RBM19: variants seen among roughly 807,000 people sequenced by gnomAD.
The protein encoded by RBM19 is RNA binding motif protein 19, also known as probable RNA-binding protein 19.
RBM19 carries 94 observed loss-of-function variants against 116.8 expected under a neutral mutation model. The ratio of observed to expected loss-of-function variants is 0.80; its 90% CI spans 0.68 to 0.95. The LOEUF (loss-of-function observed/expected upper bound fraction) is 0.95. Among genes scored for constraint, RBM19 ranks in the 40% least tolerant of loss-of-function variants. The pLI, the probability that RBM19 is intolerant of heterozygous loss-of-function variation, is 0.00. For missense variants in RBM19, 1,161 were observed against 1,220.7 expected, an observed-to-expected ratio of 0.95 and a Z score of 0.73; for synonymous variants, 475 against 494.1, an observed-to-expected ratio of 0.96 and a Z score of 0.51.
chr12:113,930,148 C>A, intron 16 of RBM19, among the ~76,000 whole-genome samples: 1 of 152,258 alleles, frequency 6.6e-6, no homozygotes. Context: ...AGTACACCAG[C>A]TCATTGAAAC....
intron 23 of RBM19, among the ~76,000 whole-genome samples, chr12:113,838,357 AGAGCATGCAAACTCCACAGGAT>A (rs1407521296): frequency 6.6e-6 from 1 of 152,204 alleles, no homozygotes; most frequent in African/African-American, 2.4e-5. Context: ...CTCCATGGGG[AGAGCATGCAAACTCCACAGGAT>A]GAGCATGCAA....
intron 21 of RBM19, among the ~76,000 whole-genome samples, chr12:113,859,273 G>T (rs1385808127): frequency 6.6e-6 from 1 of 152,238 alleles, no homozygotes; most frequent in South Asian, 2.1e-4. Context: ...AGGGCAAGGG[G>T]CTGCCCATGT....
chr12:113,847,720 A>C (rs1877115408), intron 22 of RBM19, among the ~76,000 whole-genome samples: 1 of 152,152 alleles, frequency 6.6e-6, no homozygotes, highest in South Asian at 2.1e-4. Flanking sequence ...GAGAGGCCCC[A>C]ACCCCAGCCT....
At chr12:113,965,075 A>G (rs189873798) in intron 1 of RBM19, among the ~76,000 whole-genome samples, 1 of 152,212 alleles carries the variant, frequency 6.6e-6, no homozygotes, top group Admixed American at 6.5e-5. Flanking sequence ...GTTCGAGACC[A>G]ACTTGTCCAA....
chr12:113,916,519 C>T (rs911153952), intron 20 of RBM19, among the ~76,000 whole-genome samples: 1 of 152,180 alleles, frequency 6.6e-6, no homozygotes, highest in African/African-American at 2.4e-5. Flanking sequence ...CTGGGTAATC[C>T]CTTCCCATGC....
At chr12:113,950,230 T>C (rs1414097131) in intron 8 of RBM19, 76 bp from the exon 9 acceptor site, 5 of 1,228,228 alleles carry the variant, frequency 4.1e-6, no homozygotes, top group Admixed American at 3.5e-5. Context: ...GGAACACCCA[T>C]ACTGTGCTAG....
intron 19 of RBM19, among the ~76,000 whole-genome samples, chr12:113,919,539 C>G (rs999208681): frequency 2.0e-5 from 3 of 152,190 alleles, no homozygotes; most frequent in Admixed American, 6.5e-5. Context: ...CCACTGCACT[C>G]CAGCCTGGGC....
intron 23 of RBM19, among the ~76,000 whole-genome samples, chr12:113,833,419 G>A (rs1875608576): frequency 6.6e-6 from 1 of 152,204 alleles, no homozygotes; most frequent in Non-Finnish European, 1.5e-5. Flanking sequence ...AGTGTGAATT[G>A]GGTCTTGAGA....
In RBM19 at chr12:113,918,405, C is replaced by G; in HGVS notation, c.2428G>C (p.Glu810Gln). 3 of 1,614,192 alleles carry G rather than the reference C, an allele frequency of 1.9e-6. No homozygotes were observed. Among genetic ancestry groups the G allele is most frequent in the Non-Finnish European group, 2.5e-6 (3 of 1,180,034 alleles). Residue 810 changes from glutamate (E) to glutamine (Q), a missense_variant, in exon 20 of 24, where the codon GAA becomes CAA. Glu to Gln is a conservative substitution (Grantham distance 29, BLOSUM62 2). Transcript: ENST00000261741. ...CTGAAGACTCACTTAGTGGCTCGTT[C>G]CGAGATCCTCACTTCCAGCTTGTGG... is the stretch of plus-strand genomic sequence containing the variant. ...DGHKLEVRISERATKPAVTLA... is the reference protein window; with the variant it reads ...DGHKLEVRISQRATKPAVTLA...
At chr12:113,913,916 T>A (rs1882609277) in intron 21 of RBM19, among the ~76,000 whole-genome samples, 2 of 152,228 alleles carry the variant, frequency 1.3e-5, no homozygotes, top group South Asian at 4.1e-4. Context: ...GCCTTTGCAT[T>A]CTGAGAGCTA....
chr12:113,890,676 C>G (rs1342245915), intron 21 of RBM19, among the ~76,000 whole-genome samples: 2 of 152,240 alleles, frequency 1.3e-5, no homozygotes, highest in African/African-American at 2.4e-5. Flanking sequence ...TGGCTTCTCC[C>G]CATTCCATGT....
Position 113,955,147 on chromosome 12 carries a change from G to A in RBM19, c.905C>T (p.Pro302Leu), listed in dbSNP as rs377648094. ...AGCACATACCTCTGTGACATTGAAC[G>A]GGGCTCCCCGCAGCTTCACGGTGTG... ...TCHTVKLRGAPFNVTEKNVME... is the reference protein window; with the variant it reads ...TCHTVKLRGALFNVTEKNVME... Residue 302 changes from proline to leucine, a missense_variant, in exon 7 of 24, where the codon CCG becomes CTG. Physicochemically the swap from Pro to Leu is moderately conservative, Grantham distance 98. Transcript: ENST00000261741. The A allele has an allele frequency of 1.5e-5, 25 of 1,613,900 alleles. No homozygotes were observed. The highest frequency in any genetic ancestry group is 5.3e-5 in the African/African-American group (4 of 74,900).
At chr12:113,868,363 C>T (rs1593507687) in intron 21 of RBM19, among the ~76,000 whole-genome samples, 1 of 151,406 alleles carries the variant, frequency 6.6e-6, no homozygotes, top group African/African-American at 2.4e-5. Flanking sequence ...TGAATAGAGT[C>T]CTCGGGCAGA....
intron 21 of RBM19, among the ~76,000 whole-genome samples, chr12:113,904,998 C>T (rs908716082): frequency 6.6e-5 from 10 of 152,206 alleles, no homozygotes; most frequent in East Asian, 3.9e-4. Context: ...CCGTGGCTGA[C>T]GCCTGGTCCA....
rs1482343093 is a variant in RBM19 at position 113,966,127 on chromosome 12, C to T, written c.36+65G>A. The T allele has an allele frequency of 6.2e-6, 10 of 1,607,694 alleles. No homozygotes were observed. The East Asian group carries it at 2.0e-4, about 32-fold the overall frequency. ...ATTCTTCGATCACCTCCAGGCATCTCTTCCCTACCTCACAGCTCCCGGCTG... is the reference window on the plus strand; with the variant it reads ...ATTCTTCGATCACCTCCAGGCATCTTTTCCCTACCTCACAGCTCCCGGCTG... On this transcript the variant is annotated intron_variant, in intron 1 of 23. Transcript: ENST00000261741.
chr12:113,952,130 A>G (rs772436844), intron 8 of RBM19, among the ~76,000 whole-genome samples: 19 of 152,080 alleles, frequency 1.2e-4, no homozygotes, highest in Non-Finnish European at 2.6e-4. Context: ...GGAGGGTGGC[A>G]CGGGGCAACA....
At chr12:113,932,999 G>A (rs1869741201) in intron 16 of RBM19, among the ~76,000 whole-genome samples, 1 of 152,064 alleles carries the variant, frequency 6.6e-6, no homozygotes, top group Admixed American at 6.5e-5. Context: ...CCCTTTCCCG[G>A]CTCTCGGCGC....
At chr12:113,838,103 T>C (rs1876121745) in intron 23 of RBM19, among the ~76,000 whole-genome samples, 1 of 152,200 alleles carries the variant, frequency 6.6e-6, no homozygotes. Context: ...AGTTCAGGGC[T>C]GCAGGGGGCC....
intron 1 of RBM19, among the ~76,000 whole-genome samples, chr12:113,963,825 G>A (rs1003540685): frequency 1.3e-5 from 2 of 152,154 alleles, no homozygotes; most frequent in Non-Finnish European, 2.9e-5. Context: ...TCAGCACCAC[G>A]CTTTGACAAA....
Sources: gnomAD v4.1 joint callset for allele counts (sites outside exome capture counted in the v4.1 genomes callset) on GRCh38, gnomAD v4.1.1 for gene constraint, MANE v1.5 for transcripts, NCBI Gene and HGNC (gene_info 2026-07-23, HGNC 2026-07-21) for gene names.